The following ZNF550 variants were observed in gnomAD, a reference collection of about 807,000 sequenced individuals.
ZNF550 encodes the protein zinc finger protein 550.
A neutral mutation model predicts 40.2 loss-of-function variants in ZNF550; 42 were observed. The ratio of observed to expected loss-of-function variants is 1.05; its 90% CI spans 0.82 to 1.35. ZNF550 has a LOEUF of 1.35. Ranked by LOEUF, ZNF550 falls within the 40% of genes most tolerant of loss-of-function variation. The probability of loss-of-function intolerance (pLI) is 0.00; values close to 1 mark genes in which losing one functional copy is unlikely to be tolerated. For missense variants in ZNF550, 549 were observed against 525.2 expected, an observed-to-expected ratio of 1.05 and a Z score of -0.44; for synonymous variants, 223 against 198.6, an observed-to-expected ratio of 1.12 and a Z score of -1.03.
upstream of ZNF550, among the ~76,000 whole-genome samples, chr19:57,560,148 C>A (rs1314117049): frequency 2.0e-5 from 3 of 152,206 alleles, no homozygotes; most frequent in Non-Finnish European, 4.4e-5. Context: ...GGGGCCCTGC[C>A]ACGAGGTTCC....
chr19:57,543,696 G>A, intron 4 of ZNF550: 4 of 905,738 alleles, frequency 4.4e-6, no homozygotes, highest in Non-Finnish European at 5.3e-6. Flanking sequence ...AGCACTTTGG[G>A]AGGCAGAGGC....
At chr19:57,557,673 A>G (rs2090134763) in intron 1 of ZNF550, 1 of 152,052 alleles carries the variant, frequency 6.6e-6, no homozygotes, top group East Asian at 1.9e-4. Context: ...AGAAATACCC[A>G]CAGGTGTAGA....
chr19:57,548,441 A>C (rs530685217), intron 3 of ZNF550, among the ~76,000 whole-genome samples: 1 of 152,354 alleles, frequency 6.6e-6, no homozygotes, highest in Non-Finnish European at 1.5e-5. Flanking sequence ...TTCTCAAAAG[A>C]ATACATACAA....
exon 5 of ZNF550, chr19:57,542,043 A>C (rs1394106924): frequency 1.3e-5 from 2 of 152,126 alleles, no homozygotes; most frequent in Non-Finnish European, 2.9e-5. Flanking sequence ...AAAAGTCAAG[A>C]TACAAATAAA....
chr19:57,556,124 G>C (rs2090118303), intron 2 of ZNF550, 107 bp downstream of exon 2: 4 of 1,434,608 alleles, frequency 2.8e-6, no homozygotes, highest in Non-Finnish European at 3.9e-6. Context: ...GGAAGAGGTG[G>C]GAACAGAAAG....
chr19:57,546,704 C>A, exon 4 of ZNF550: 1 of 1,206,864 alleles, frequency 8.3e-7, no homozygotes, highest in South Asian at 3.3e-5. Context: ...TGATGGAATG[C>A]CTTCCACATT....
chr19:57,542,702 CT>C (rs2089971890), exon 5 of ZNF550: 1 of 152,212 alleles, frequency 6.6e-6, no homozygotes, highest in Non-Finnish European at 1.5e-5. Flanking sequence ...CCAGACACTT[CT>C]TACTAGAACA....
intron 2 of ZNF550, chr19:57,553,852 C>T (rs549682151): frequency 4.9e-4 from 74 of 152,286 alleles, no homozygotes; most frequent in African/African-American, 1.7e-3. Context: ...AATGTGCCCC[C>T]CAAAATTCTG....
At chr19:57,552,678 C>A (rs745807639) in exon 3 of ZNF550, 1 of 1,598,438 alleles carries the variant, frequency 6.3e-7, no homozygotes, top group Non-Finnish European at 8.5e-7. Context: ...AGCTCCTGCC[C>A]ATGCTCTAGC....
chr19:57,557,296 A>G (rs1599899800), intron 1 of ZNF550: 1 of 152,008 alleles, frequency 6.6e-6, no homozygotes, highest in Admixed American at 6.6e-5. Flanking sequence ...TTATGGCTGG[A>G]GGTAAGACAT....
At chr19:57,553,778 T>C (rs965305168) in intron 2 of ZNF550, 1 of 152,184 alleles carries the variant, frequency 6.6e-6, no homozygotes, top group Admixed American at 6.5e-5. Flanking sequence ...GGATGCGTGA[T>C]TCCAACCTCA....
chr19:57,543,536 C>T (rs1288759350), intron 4 of ZNF550: 1 of 868,842 alleles, frequency 1.2e-6, no homozygotes, highest in Non-Finnish European at 1.4e-6. Context: ...ATAACTAGTC[C>T]CACCCCCACA....
chr19:57,561,370 G>C (rs2123381568), upstream of ZNF550, among the ~76,000 whole-genome samples: 1 of 152,296 alleles, frequency 6.6e-6, no homozygotes, highest in East Asian at 1.9e-4. This position sits in a 1 kb window ranked among gnomAD's most constrained non-coding sequence, Gnocchi z 4.9. Flanking sequence ...GTTAAAGGCT[G>C]TAGCTAGCTC....
At chr19:57,546,789 T>G in exon 4 of ZNF550, 1 of 1,383,530 alleles carries the variant, frequency 7.2e-7, no homozygotes, top group Non-Finnish European at 9.3e-7. Context: ...TTCACTGTAT[T>G]CACAGGGCTT....
intron 1 of ZNF550, chr19:57,556,786 C>G (rs1243353540): frequency 5.2e-6 from 1 of 193,316 alleles, no homozygotes; most frequent in African/African-American, 2.4e-5. Flanking sequence ...CCATTTTGAT[C>G]TGTACTAAGA....
intron 3 of ZNF550, among the ~76,000 whole-genome samples, chr19:57,549,714 G>A (rs773159505): frequency 5.9e-5 from 9 of 152,176 alleles, no homozygotes; most frequent in African/African-American, 1.4e-4. Context: ...GGTGATTAGA[G>A]TTGGAGCAAG....
exon 4 of ZNF550, chr19:57,546,676 G>T: frequency 8.8e-7 from 1 of 1,142,026 alleles, no homozygotes; most frequent in Non-Finnish European, 1.1e-6. Flanking sequence ...TCTTTCTCCA[G>T]CATGAGTTCT....
intron 4 of ZNF550, chr19:57,543,793 C>T: frequency 2.5e-6 from 1 of 401,734 alleles, no homozygotes; most frequent in Non-Finnish European, 3.4e-6. Flanking sequence ...AAAAAACTAG[C>T]CGGGCATGGT....
exon 5 of ZNF550, chr19:57,542,308 G>C (rs1404727968): frequency 6.7e-6 from 1 of 148,870 alleles, no homozygotes; most frequent in Non-Finnish European, 1.5e-5. Flanking sequence ...TTACATACTA[G>C]ATCACCATAT....
Sources: gnomAD v4.1 joint callset for allele counts (sites outside exome capture counted in the v4.1 genomes callset) on GRCh38, gnomAD v4.1.1 for gene constraint, Gnocchi (gnomAD v3.1) non-coding constraint, MANE v1.5 for transcripts, NCBI Gene and HGNC (gene_info 2026-07-23, HGNC 2026-07-21) for gene names.